The following IL6ST variants were observed in gnomAD, a reference collection of about 807,000 sequenced individuals.
The protein encoded by IL6ST is interleukin-6 receptor subunit beta.
In IL6ST, 24 loss-of-function variants were observed where a neutral mutation model predicts 91.3. The ratio of observed to expected loss-of-function variants is 0.26; its 90% CI spans 0.19 to 0.37. The LOEUF (loss-of-function observed/expected upper bound fraction) is 0.37, where lower values mean the gene tolerates loss of function less well. IL6ST is among the 10% of genes least tolerant of loss of function. The pLI is 1.00. For missense variants in IL6ST, 914 were observed against 1,078.5 expected, an observed-to-expected ratio of 0.85 and a Z score of 2.14; for synonymous variants, 351 against 373.6, an observed-to-expected ratio of 0.94 and a Z score of 0.70.
Position 55,940,948 on chromosome 5 carries a change from G to T in IL6ST, c.*134C>A. 3.6e-6 allele frequency: 3 copies of T among 825,218 alleles called. No individual in the cohort carries two copies. The South Asian group carries it at 5.6e-5, about 15-fold the overall frequency. 51.1% of individuals were successfully genotyped at this position (825,218 alleles called of 1,614,324 possible). On this transcript the variant is annotated 3_prime_UTR_variant, in exon 17 of 17. Transcript: ENST00000381298. ...TGGAAATAGCTCATGTGAAACTTCA[G>T]TTCATTTTTGTCCTTAAGGGCAAAT...
chr5:55,944,943 C>T (rs1049550199), intron 15 of IL6ST, among the ~76,000 whole-genome samples: 4 of 150,844 alleles, frequency 2.7e-5, no homozygotes, highest in African/African-American at 9.8e-5. Flanking sequence ...TGCCCTGGAC[C>T]TGTGACATTC....
At chr5:55,976,173 T>C (rs1753277048) in intron 3 of IL6ST, 42 bp downstream of exon 3, 3 of 960,738 alleles carry the variant, frequency 3.1e-6, no homozygotes. Flanking sequence ...TATATAAACC[T>C]AATTTGTGAA....
At chr5:55,945,040 CAAAAAA>C (rs368225632) in intron 15 of IL6ST, among the ~76,000 whole-genome samples, 4,940 of 71,936 alleles carry the variant, frequency 0.069, 163 homozygotes, top group African/African-American at 0.12. Context: ...GGAATTAAAT[CAAAAAA>C]AAAAAAAAAA....
chr5:55,990,460 C>T (rs973253908), intron 1 of IL6ST, among the ~76,000 whole-genome samples: 7 of 152,156 alleles, frequency 4.6e-5, no homozygotes, highest in Non-Finnish European at 8.8e-5. Context: ...GTCTCCTTTA[C>T]TGAATTCTCT....
At chr5:55,945,647 G>GTTTT (rs1751197944) in intron 15 of IL6ST, among the ~76,000 whole-genome samples, 1 of 54,236 alleles carries the variant, frequency 1.8e-5, no homozygotes, top group South Asian at 5.3e-4. Context: ...AAAAACTTAT[G>GTTTT]CTTTTTTTTT....
At chr5:55,942,867 A>G in intron 15 of IL6ST, 116 bp from the exon 16 acceptor site, 1 of 576,722 alleles carries the variant, frequency 1.7e-6, no homozygotes, top group Non-Finnish European at 3.1e-6. Flanking sequence ...TACCTAAATG[A>G]ACAAAAAATA....
chr5:55,974,532 T>C (rs1369880332), intron 3 of IL6ST, among the ~76,000 whole-genome samples: 1 of 152,136 alleles, frequency 6.6e-6, no homozygotes, highest in East Asian at 1.9e-4. Flanking sequence ...TCACCCAGAC[T>C]GGAGTGCAGT....
Position 55,938,622 on chromosome 5 carries a change from CACTA to C in IL6ST, c.*2456_*2459del, listed in dbSNP as rs538515376. 342 of 196,670 alleles carry C rather than the reference CACTA, an allele frequency of 1.7e-3. No homozygotes were observed. The highest frequency in any genetic ancestry group is 2.8e-3 in the Non-Finnish European group (264 of 94,832). The allele number at this position is 196,670 out of a possible 1,614,324, so 12.2% of individuals were successfully genotyped here. On this transcript the variant is annotated 3_prime_UTR_variant, in exon 17 of 17. Coordinates refer to ENST00000381298, the MANE Select transcript of IL6ST (RefSeq NM_002184.4). ...CACTAAAGATTTAAAGTGATAAAGC[CACTA>C]ACTAACTTTATTAGACTAGTTTTTA... is the stretch of plus-strand genomic sequence containing the variant.
rs1038203857 is a variant in IL6ST at position 55,938,427 on chromosome 5, G to A, written c.*2655C>T. 3.6e-5 allele frequency: 7 copies of A among 192,306 alleles called. No homozygotes were observed. The highest frequency in any genetic ancestry group is 1.2e-4 in the Admixed American group (2 of 16,292). 11.9% of individuals were successfully genotyped at this position (192,306 alleles called of 1,614,324 possible). A position where few individuals can be genotyped will look rare whatever the true frequency, so the allele number is the denominator to read the frequency against. ...TTATCCCTTTCAGAGATGAGGGTAG[G>A]ATACCACAGACATCAGTAACTGACA... On this transcript the variant is annotated 3_prime_UTR_variant, in exon 17 of 17. Transcript: ENST00000381298.
intron 2 of IL6ST, among the ~76,000 whole-genome samples, chr5:55,977,449 G>A (rs1753374130): frequency 6.6e-6 from 1 of 152,080 alleles, no homozygotes; most frequent in Admixed American, 6.6e-5. Context: ...GGCTGAGGTA[G>A]AGAAGGCACA....
intron 14 of IL6ST, among the ~76,000 whole-genome samples, chr5:55,948,057 T>TA (rs957566691): frequency 4.6e-5 from 7 of 152,156 alleles, no homozygotes; most frequent in African/African-American, 1.7e-4. Flanking sequence ...TTTAACCTTC[T>TA]AAAAAATAAA....
intron 3 of IL6ST, 103 bp from the exon 4 acceptor site, chr5:55,969,958 A>G (rs1752868078): frequency 3.0e-6 from 2 of 656,326 alleles, no homozygotes; most frequent in Non-Finnish European, 2.6e-6. Context: ...ACCGTCACTA[A>G]AATATCCCTA....
intron 1 of IL6ST, among the ~76,000 whole-genome samples, chr5:55,986,424 A>C (rs1210283503): frequency 6.6e-6 from 1 of 152,148 alleles, no homozygotes. Context: ...ATCATGACAT[A>C]TCCTCTCCCA....
intron 15 of IL6ST, among the ~76,000 whole-genome samples, chr5:55,946,507 T>C (rs189566502): frequency 3.3e-4 from 51 of 152,280 alleles, no homozygotes; most frequent in African/African-American, 1.2e-3. Flanking sequence ...TACAGAATAC[T>C]GTTCAGCAAT....
At chr5:55,942,324 A>C (rs1055510329) in intron 16 of IL6ST, among the ~76,000 whole-genome samples, 1 of 152,210 alleles carries the variant, frequency 6.6e-6, no homozygotes, top group African/African-American at 2.4e-5. Context: ...TTTAATACTC[A>C]ACCCAAAATG....
chr5:55,949,342 G>A (rs1330589280), intron 14 of IL6ST, among the ~76,000 whole-genome samples: 6 of 152,140 alleles, frequency 3.9e-5, no homozygotes, highest in Admixed American at 2.0e-4. Flanking sequence ...AGGCATGGTG[G>A]TGCCTACCAG....
intron 3 of IL6ST, among the ~76,000 whole-genome samples, chr5:55,971,970 T>G (rs1752992738): frequency 6.6e-6 from 1 of 152,204 alleles, no homozygotes; most frequent in Non-Finnish European, 1.5e-5. Context: ...GTGCATATAT[T>G]ACTCTCAATT....
chr5:55,950,082 T>C (rs575293216), intron 14 of IL6ST: 2 of 396,390 alleles, frequency 5.0e-6, no homozygotes, highest in South Asian at 3.8e-5. Flanking sequence ...TCAACAGGAC[T>C]TGACACTCAG....
intron 1 of IL6ST, among the ~76,000 whole-genome samples, chr5:55,992,057 T>A (rs1298040197): frequency 6.6e-6 from 1 of 152,250 alleles, no homozygotes; most frequent in Non-Finnish European, 1.5e-5. Context: ...ATTATTCCAA[T>A]GTCTTTCCTG....
Sources: allele counts gnomAD v4.1 joint callset (sites outside exome capture counted in the v4.1 genomes callset), GRCh38; gene constraint gnomAD v4.1.1; transcripts MANE v1.5; gene names NCBI Gene and HGNC (gene_info 2026-07-23, HGNC 2026-07-21).